KIF20B: variants seen among roughly 807,000 people sequenced by gnomAD.
KIF20B encodes kinesin family member 20B.
KIF20B carries 188 observed loss-of-function variants against 232.5 expected under a neutral mutation model. The observed-to-expected ratio is 0.81, with a 90% CI of 0.72 to 0.91. The LOEUF is 0.91. KIF20B is among the 40% of genes least tolerant of loss of function. KIF20B has a pLI of 0.00. For synonymous variants in KIF20B, 712 were observed against 683.0 expected (o/e 1.04, Z -0.66); for missense variants, 2,154 against 2,055.9 (o/e 1.05, Z -0.92).
chr10:89,719,482 C>G lies in KIF20B; in HGVS notation c.1498C>G (p.Gln500Glu), dbSNP rs757053340. 4.4e-5 allele frequency: 70 copies of G among 1,606,882 alleles called. No individual in the cohort carries two copies. The highest frequency in any genetic ancestry group is 5.4e-5 in the Non-Finnish European group (64 of 1,176,072). The stretch of plus-strand genomic sequence containing the variant: ...ATTATTTGGACCTGTCAAATCTTCT[C>G]AAGATGTATCACTAGACAGTAATTC... The part of the protein sequence containing the change: ...EKLFGPVKSS[Q>E]DVSLDSNSNS... The change falls in exon 13 of 33, where the codon CAA becomes GAA. Residue 500 changes from glutamine to glutamate, a missense_variant. Coordinates refer to ENST00000371728, the MANE Select transcript of KIF20B (RefSeq NM_001284259.2).
At chr10:89,761,886 T>A (rs1401387792) in intron 28 of KIF20B, among the ~76,000 whole-genome samples, 2 of 152,208 alleles carry the variant, frequency 1.3e-5, no homozygotes, top group African/African-American at 4.8e-5. Context: ...AGCAGTTATT[T>A]TATATTCCAC....
intron 15 of KIF20B, among the ~76,000 whole-genome samples, chr10:89,725,745 CTACTTGTAATA>C (rs1377724684): frequency 1.3e-5 from 2 of 152,168 alleles, no homozygotes; most frequent in Non-Finnish European, 2.9e-5. Context: ...AGCTTATTCT[CTACTTGTAATA>C]TAAGAAAAAT....
At chr10:89,712,990 GT>G (rs1842863898) in intron 6 of KIF20B, among the ~76,000 whole-genome samples, 2 of 152,162 alleles carry the variant, frequency 1.3e-5, no homozygotes, top group African/African-American at 4.8e-5. Context: ...GTAGAATAGT[GT>G]TTTAACAAAA....
rs745922183 is a variant in KIF20B at position 89,751,337 on chromosome 10, G to T, written c.4097-9G>T. 1 of 1,584,330 alleles carries T rather than the reference G, an allele frequency of 6.3e-7. No homozygotes were observed. The highest frequency in any genetic ancestry group is 8.6e-7 in the Non-Finnish European group (1 of 1,168,530). ...ATTAATTTCTAAAATGTTCTCCCCC[G>T]ATTTTTAGATCTAAATGTTAAAGAG... is the stretch of plus-strand genomic sequence containing the variant. On this transcript the variant is annotated splice_polypyrimidine_tract_variant and intron_variant, in intron 23 of 32. Coordinates refer to ENST00000371728, the MANE Select transcript of KIF20B (RefSeq NM_001284259.2).
Position 89,729,140 on chromosome 10 carries a change from CAGAATCAA to C in KIF20B, c.2290_2297del (p.Gln764Ter), listed in dbSNP as rs1334106364. 2 of 1,413,362 alleles carry C rather than the reference CAGAATCAA, an allele frequency of 1.4e-6. No homozygotes were observed. 87.6% of individuals were successfully genotyped at this position (1,413,362 alleles called of 1,614,324 possible). On this transcript the variant is annotated frameshift_variant, in exon 18 of 33. Transcript: ENST00000371728. LOFTEE classifies it high-confidence loss of function. ...CTTCTTTCCAAAGAAAATAATTACACAGAATCAAAGAATTAAAGAATTGATAAATATAA... is the reference window on the plus strand; with the variant it reads ...CTTCTTTCCAAAGAAAATAATTACACAGAATTAAAGAATTGATAAATATAA...
intron 6 of KIF20B, among the ~76,000 whole-genome samples, chr10:89,713,844 C>A (rs1052715350): frequency 1.9e-4 from 29 of 151,970 alleles, no homozygotes; most frequent in Admixed American, 1.7e-3. Context: ...CAGGATTATA[C>A]ATGATAATAT....
At chr10:89,760,711 TG>T in intron 28 of KIF20B, 75 bp downstream of exon 28, 2 of 880,016 alleles carry the variant, frequency 2.3e-6, no homozygotes, top group East Asian at 2.6e-5. Context: ...ACAAGTAAGT[TG>T]CTGAAGATAC....
intron 21 of KIF20B, among the ~76,000 whole-genome samples, chr10:89,739,660 C>G (rs921798561): frequency 7.2e-6 from 1 of 139,738 alleles, no homozygotes; most frequent in Non-Finnish European, 1.6e-5. Context: ...GATTGGAGCA[C>G]TTTTTTTTTT....
At chr10:89,738,763 C>T in intron 20 of KIF20B, 146 bp downstream of exon 20, 2 of 1,194,492 alleles carry the variant, frequency 1.7e-6, no homozygotes, top group Non-Finnish European at 2.3e-6. Flanking sequence ...TCCATATAAA[C>T]CTTTGGACCA....
At chr10:89,737,263 ATTTTT>A in intron 19 of KIF20B, 119 bp from the exon 20 acceptor site, 1 of 888,024 alleles carries the variant, frequency 1.1e-6, no homozygotes. Flanking sequence ...AGCTTATTTC[ATTTTT>A]TTTTTTTAAT....
chr10:89,769,292 T>G (rs1485247725), intron 31 of KIF20B, among the ~76,000 whole-genome samples: 1 of 151,960 alleles, frequency 6.6e-6, no homozygotes, highest in East Asian at 1.9e-4. Context: ...AATACAGTCA[T>G]GGGTTCTTAG....
At chr10:89,751,138 T>G (rs1842013066) in intron 23 of KIF20B, among the ~76,000 whole-genome samples, 1 of 152,100 alleles carries the variant, frequency 6.6e-6, no homozygotes, top group Non-Finnish European at 1.5e-5. Flanking sequence ...GCATCCATCT[T>G]TACACCAAAT....
rs1330441148 is a variant in KIF20B at position 89,751,976 on chromosome 10, T to TTTATATATATATATATAA, written c.4222+505_4222+506insTTATATATATATATATAA. Among the ~76,000 whole-genome samples the TTTATATATATATATATAA allele has an allele frequency of 6.5e-4, 99 of 152,172 alleles. 2 individuals are homozygous for TTTATATATATATATATAA. In the East Asian group the frequency reaches 0.017, roughly 26 times the overall value. ...TGTCTAGCCATTTTATATATAACCT[T>TTTATATATATATATATAA]GGCAGGGTACTTGTGCTTACTCAGC... On this transcript the variant is annotated intron_variant, in intron 24 of 32. Transcript: ENST00000371728.
At chr10:89,715,245 T>C (rs891182171) in intron 8 of KIF20B, 63 bp downstream of exon 8, 1 of 991,966 alleles carries the variant, frequency 1.0e-6, no homozygotes, top group Non-Finnish European at 1.5e-6. Context: ...TTGTGATAGC[T>C]GTAAGACTAA....
intron 29 of KIF20B, among the ~76,000 whole-genome samples, chr10:89,763,847 A>G (rs1024338872): frequency 6.7e-6 from 1 of 148,500 alleles, no homozygotes; most frequent in East Asian, 1.9e-4. Context: ...ATTAATAGTT[A>G]CTATTAATAT....
chr10:89,768,448 C>A, intron 30 of KIF20B, 57 bp downstream of exon 30: 1 of 1,036,364 alleles, frequency 9.6e-7, no homozygotes, highest in South Asian at 1.4e-5. Flanking sequence ...CAGTTGTGTT[C>A]AATTATAACT....
chr10:89,742,053 T>TA (rs1386796572), intron 21 of KIF20B, among the ~76,000 whole-genome samples: 13 of 151,774 alleles, frequency 8.6e-5, no homozygotes, highest in African/African-American at 3.1e-4. Flanking sequence ...ACTTAATAAA[T>TA]AAAGAAAAAA....
intron 9 of KIF20B, 28 bp downstream of exon 9, chr10:89,716,575 C>T: frequency 2.9e-6 from 3 of 1,023,868 alleles, no homozygotes; most frequent in Non-Finnish European, 4.5e-6. Flanking sequence ...TAAGAGTAAA[C>T]TCGAATCACC....
intron 2 of KIF20B, among the ~76,000 whole-genome samples, chr10:89,707,287 C>CCATTACCCT (rs979551263): frequency 6.6e-6 from 1 of 152,098 alleles, no homozygotes; most frequent in African/African-American, 2.4e-5. Context: ...GTGAGTATAA[C>CCATTACCCT]CATTACCCTC....
Sources: gnomAD v4.1 joint callset for allele counts (sites outside exome capture counted in the v4.1 genomes callset) on GRCh38, gnomAD v4.1.1 for gene constraint, MANE v1.5 for transcripts, NCBI Gene and HGNC (gene_info 2026-07-23, HGNC 2026-07-21) for gene names.